CSMD1: variants seen among roughly 807,000 people sequenced by gnomAD.
The protein encoded by CSMD1 is CUB and sushi domain-containing protein 1.
A neutral mutation model predicts 417.5 loss-of-function variants in CSMD1; 213 were observed. The ratio of observed to expected loss-of-function variants is 0.51; its 90% CI spans 0.46 to 0.57. CSMD1 has a LOEUF of 0.57. Among genes scored for constraint, CSMD1 ranks in the 20% least tolerant of loss-of-function variants. The pLI, the probability that CSMD1 is intolerant of heterozygous loss-of-function variation, is 0.00. For missense variants in CSMD1, 6,923 were observed against 4,529.7 expected (o/e 1.53, Z -15.17); for synonymous variants, 2,862 against 1,736.8 (o/e 1.65, Z -16.11).
At chr8:4,105,194 A>G (rs1261680215) in intron 3 of CSMD1, among the ~76,000 whole-genome samples, 1 of 152,198 alleles carries the variant, frequency 6.6e-6, no homozygotes, top group Admixed American at 6.5e-5. Context: ...ACATCCTAAG[A>G]TTATTCCAAG....
At chr8:4,895,353 G>T (rs1268879288) in intron 1 of CSMD1, among the ~76,000 whole-genome samples, 1 of 152,008 alleles carries the variant, frequency 6.6e-6, no homozygotes, top group African/African-American at 2.4e-5. Flanking sequence ...AGTAATGTAA[G>T]TGTAACAGCA....
chr8:4,301,779 T>C (rs55702502), intron 3 of CSMD1, among the ~76,000 whole-genome samples: 9,681 of 152,304 alleles, frequency 0.064, 397 homozygotes, highest in Non-Finnish European at 0.092. Flanking sequence ...AGTTATCTAA[T>C]TGTAAACTCT....
chr8:4,384,619 G>C (rs1232128752), intron 3 of CSMD1, among the ~76,000 whole-genome samples: 4 of 150,814 alleles, frequency 2.7e-5, no homozygotes, highest in South Asian at 2.1e-4. Flanking sequence ...TAAAATAGAA[G>C]ATTTTTTTTT....
intron 36 of CSMD1, among the ~76,000 whole-genome samples, chr8:3,183,613 T>C (rs901264974): frequency 8.1e-5 from 12 of 148,476 alleles, no homozygotes; most frequent in South Asian, 6.5e-4. Context: ...AGGTCTCTAA[T>C]GTTTCTTAAC....
chr8:3,456,545 T>G (rs1816154412), intron 12 of CSMD1, among the ~76,000 whole-genome samples: 1 of 152,112 alleles, frequency 6.6e-6, no homozygotes, highest in Non-Finnish European at 1.5e-5. Context: ...TTGGCGCAGT[T>G]TTTCACTTAG....
intron 26 of CSMD1, among the ~76,000 whole-genome samples, chr8:3,244,580 AG>A (rs948931818): frequency 3.3e-5 from 5 of 152,162 alleles, no homozygotes; most frequent in Admixed American, 1.3e-4. Flanking sequence ...AGCTCTTCAA[AG>A]GGGGAAATCA....
At chr8:2,940,744 A>T (rs1236385335) in intron 69 of CSMD1, among the ~76,000 whole-genome samples, 4 of 152,236 alleles carry the variant, frequency 2.6e-5, no homozygotes, top group African/African-American at 9.6e-5. Flanking sequence ...TTTAAAGGAC[A>T]AGACAATCCC....
At chr8:4,441,486 G>A (rs1364082521) in intron 2 of CSMD1, among the ~76,000 whole-genome samples, 1 of 151,656 alleles carries the variant, frequency 6.6e-6, no homozygotes, top group South Asian at 2.1e-4. Flanking sequence ...TTAGACATAA[G>A]GTATTTTACA....
intron 5 of CSMD1, among the ~76,000 whole-genome samples, chr8:3,867,304 G>A (rs191070612): frequency 6.6e-6 from 1 of 152,136 alleles, no homozygotes; most frequent in Non-Finnish European, 1.5e-5. Context: ...ACCATGACCA[G>A]TCTAATGATT....
At chr8:4,238,017 A>C (rs1802169697) in intron 3 of CSMD1, among the ~76,000 whole-genome samples, 1 of 152,152 alleles carries the variant, frequency 6.6e-6, no homozygotes, top group South Asian at 2.1e-4. Flanking sequence ...GGGACGAACC[A>C]CATCATGTGC....
At chr8:3,500,474 ACT>A (rs1204097024) in intron 10 of CSMD1, among the ~76,000 whole-genome samples, 4 of 152,094 alleles carry the variant, frequency 2.6e-5, no homozygotes, top group African/African-American at 9.7e-5. Context: ...AAATACTAAG[ACT>A]CTGTCAGAGT....
At chr8:4,635,320 C>T (rs1472704356) in intron 2 of CSMD1, among the ~76,000 whole-genome samples, 1 of 152,106 alleles carries the variant, frequency 6.6e-6, no homozygotes, top group Admixed American at 6.5e-5. Flanking sequence ...ATTGTTCTAA[C>T]TTAATATTTC....
intron 1 of CSMD1, among the ~76,000 whole-genome samples, chr8:4,674,503 T>C (rs1286791980): frequency 2.0e-5 from 3 of 152,100 alleles, no homozygotes; most frequent in Non-Finnish European, 2.9e-5. Context: ...GAGGGAACAG[T>C]ACGTACTCAG....
chr8:3,914,724 T>C (rs1245707102), intron 5 of CSMD1, among the ~76,000 whole-genome samples: 2 of 152,192 alleles, frequency 1.3e-5, no homozygotes, highest in Non-Finnish European at 2.9e-5. Flanking sequence ...ACTATCCCTT[T>C]TTTTTTCAGA....
intron 3 of CSMD1, among the ~76,000 whole-genome samples, chr8:4,114,992 T>C (rs572001100): frequency 6.6e-6 from 1 of 152,334 alleles, no homozygotes; most frequent in East Asian, 1.9e-4. Flanking sequence ...ATCTAGATTA[T>C]TATAGAAACC....
chr8:3,997,276 T>A (rs769344140), intron 5 of CSMD1, among the ~76,000 whole-genome samples: 15 of 152,236 alleles, frequency 9.9e-5, no homozygotes, highest in Admixed American at 9.8e-4. Context: ...ATTCTTGCAA[T>A]CACGACCATC....
intron 23 of CSMD1, among the ~76,000 whole-genome samples, chr8:3,310,107 A>T (rs901131497): frequency 6.6e-6 from 1 of 152,182 alleles, no homozygotes; most frequent in African/African-American, 2.4e-5. Context: ...CACAAAGGGG[A>T]GGTAGAAATT....
At chr8:4,672,856 T>C (rs1159576147) in intron 1 of CSMD1, among the ~76,000 whole-genome samples, 1 of 151,882 alleles carries the variant, frequency 6.6e-6, no homozygotes, top group Non-Finnish European at 1.5e-5. Context: ...CGTACACATA[T>C]GCATGCATAC....
intron 6 of CSMD1, among the ~76,000 whole-genome samples, chr8:3,728,290 G>A (rs1409254560): frequency 6.6e-6 from 1 of 152,052 alleles, no homozygotes; most frequent in Non-Finnish European, 1.5e-5. Context: ...ACATCCCTTT[G>A]CTCTTCCTTC....
Sources: allele counts gnomAD v4.1 joint callset (sites outside exome capture counted in the v4.1 genomes callset), GRCh38; gene constraint gnomAD v4.1.1; transcripts MANE v1.5; gene names NCBI Gene and HGNC (gene_info 2026-07-23, HGNC 2026-07-21).